The following SUPT3H variants were observed in gnomAD, a reference collection of about 807,000 sequenced individuals.
The protein encoded by SUPT3H is transcription initiation protein SPT3 homolog.
Under a neutral mutation model 44.3 loss-of-function variants are expected in SUPT3H, and 44 were observed. The ratio of observed to expected loss-of-function variants is 0.99; its 90% CI spans 0.78 to 1.28. SUPT3H has a LOEUF of 1.28. SUPT3H is among the 50% of genes most tolerant of loss of function. The pLI, the probability that SUPT3H is intolerant of heterozygous loss-of-function variation, is 0.00. For missense variants in SUPT3H, 380 were observed against 387.1 expected (o/e 0.98, Z 0.15); for synonymous variants, 124 against 125.6 (o/e 0.99, Z 0.09).
intron 2 of SUPT3H, among the ~76,000 whole-genome samples, chr6:45,170,929 C>T (rs886395611): frequency 6.6e-6 from 1 of 152,114 alleles, no homozygotes; most frequent in Non-Finnish European, 1.5e-5. Flanking sequence ...AATCAAGACA[C>T]TTCCTTGAGG....
chr6:44,921,005 T>C (rs901943414), intron 10 of SUPT3H, among the ~76,000 whole-genome samples: 1 of 152,202 alleles, frequency 6.6e-6, no homozygotes, highest in African/African-American at 2.4e-5. Flanking sequence ...CCTTTCGCCG[T>C]ATCTAAGGGA....
chr6:45,365,380 A>C, intron 1 of SUPT3H, 79 bp from the exon 2 acceptor site: 1 of 933,942 alleles, frequency 1.1e-6, no homozygotes, highest in Admixed American at 2.3e-5. Flanking sequence ...AGCAAATATA[A>C]ATTACTTCAA....
chr6:45,289,300 A>G (rs1779920384), intron 2 of SUPT3H, among the ~76,000 whole-genome samples: 1 of 152,144 alleles, frequency 6.6e-6, no homozygotes, highest in African/African-American at 2.4e-5. Flanking sequence ...AAGAACCGTA[A>G]GAAGAGCCAA....
At chr6:45,059,353 T>G (rs545410915) in intron 3 of SUPT3H, among the ~76,000 whole-genome samples, 1 of 152,136 alleles carries the variant, frequency 6.6e-6, no homozygotes, top group African/African-American at 2.4e-5. Context: ...ATTATTTCAA[T>G]AGATGCAGAA....
chr6:44,888,051 C>A (rs1466256801), intron 10 of SUPT3H, among the ~76,000 whole-genome samples: 1 of 152,244 alleles, frequency 6.6e-6, no homozygotes, highest in East Asian at 1.9e-4. Flanking sequence ...TACACCCTCC[C>A]AAGACTAAAC....
intron 6 of SUPT3H, among the ~76,000 whole-genome samples, chr6:44,999,211 G>A (rs747347351): frequency 2.6e-5 from 4 of 152,016 alleles, no homozygotes; most frequent in Non-Finnish European, 5.9e-5. Flanking sequence ...GAGAGTGAAG[G>A]TGGGTGTGAG....
chr6:44,859,540 A>C (rs1406482955), intron 10 of SUPT3H, among the ~76,000 whole-genome samples: 1 of 152,196 alleles, frequency 6.6e-6, no homozygotes, highest in Non-Finnish European at 1.5e-5. Flanking sequence ...TATACCACTC[A>C]GAATGTGGTG....
intron 5 of SUPT3H, among the ~76,000 whole-genome samples, chr6:45,006,747 T>C (rs1249799678): frequency 6.6e-6 from 1 of 152,098 alleles, no homozygotes; most frequent in African/African-American, 2.4e-5. Context: ...CCCTTCTCCA[T>C]CTCTAAACTT....
At chr6:44,956,685 C>T (rs1775269383) in intron 7 of SUPT3H, among the ~76,000 whole-genome samples, 3 of 152,000 alleles carry the variant, frequency 2.0e-5, no homozygotes, top group African/African-American at 7.2e-5. Flanking sequence ...AGATATTTCC[C>T]TATTAAACCA....
chr6:45,269,904 C>T (rs1276506127), intron 2 of SUPT3H, among the ~76,000 whole-genome samples: 1 of 152,118 alleles, frequency 6.6e-6, no homozygotes, highest in Non-Finnish European at 1.5e-5. Flanking sequence ...CAAAAACAAA[C>T]CCTGTCCTTT....
chr6:44,862,459 C>G (rs1014862561), intron 10 of SUPT3H, among the ~76,000 whole-genome samples: 8 of 151,866 alleles, frequency 5.3e-5, no homozygotes, highest in South Asian at 2.1e-4. Context: ...AGCGGATCAC[C>G]TGTGGTCAGG....
chr6:45,167,288 C>G (rs1036616929), intron 2 of SUPT3H, among the ~76,000 whole-genome samples: 1 of 152,148 alleles, frequency 6.6e-6, no homozygotes, highest in Non-Finnish European at 1.5e-5. Flanking sequence ...CGGAAGAATG[C>G]TTTCCAAGTA....
chr6:45,362,155 A>G (rs1794374326), intron 2 of SUPT3H, among the ~76,000 whole-genome samples: 1 of 152,218 alleles, frequency 6.6e-6, no homozygotes. Context: ...TCAAGGCTCT[A>G]ATACTAGGAC....
intron 2 of SUPT3H, among the ~76,000 whole-genome samples, chr6:45,172,746 C>T (rs1233850946): frequency 2.0e-5 from 3 of 152,000 alleles, no homozygotes; most frequent in South Asian, 2.1e-4. Context: ...TGCGCACCAC[C>T]GTGCCCAGCT....
At chr6:45,280,777 G>T (rs939720017) in intron 2 of SUPT3H, among the ~76,000 whole-genome samples, 2 of 152,006 alleles carry the variant, frequency 1.3e-5, no homozygotes, top group Non-Finnish European at 2.9e-5. Flanking sequence ...AAATATATGG[G>T]CAAATTATTA....
intron 10 of SUPT3H, among the ~76,000 whole-genome samples, chr6:44,907,386 A>G (rs993130021): frequency 6.6e-6 from 1 of 152,180 alleles, no homozygotes; most frequent in African/African-American, 2.4e-5. Flanking sequence ...CCTATAAAAT[A>G]AAAGCAGTGG....
intron 6 of SUPT3H, among the ~76,000 whole-genome samples, chr6:44,983,186 A>G (rs1297340641): frequency 6.6e-6 from 1 of 152,170 alleles, no homozygotes; most frequent in Non-Finnish European, 1.5e-5. Flanking sequence ...AAACTCCCAA[A>G]TCAAATAATG....
chr6:44,939,449 G>A (rs917165782), intron 9 of SUPT3H, among the ~76,000 whole-genome samples: 1 of 151,964 alleles, frequency 6.6e-6, no homozygotes, highest in African/African-American at 2.4e-5. Context: ...TGATATGCTA[G>A]TAGATTTGGT....
At chr6:45,149,061 T>C (rs1806518892) in intron 2 of SUPT3H, among the ~76,000 whole-genome samples, 1 of 152,328 alleles carries the variant, frequency 6.6e-6, no homozygotes, top group East Asian at 1.9e-4. Context: ...CAATTCTCTT[T>C]TGTGTGAACT....
Sources: gnomAD v4.1 joint callset for allele counts (sites outside exome capture counted in the v4.1 genomes callset) on GRCh38, gnomAD v4.1.1 for gene constraint, MANE v1.5 for transcripts, NCBI Gene and HGNC (gene_info 2026-07-23, HGNC 2026-07-21) for gene names.